Variants in MYRFL observed in about 807,000 individuals in gnomAD.
MYRFL encodes the protein myelin regulatory factor-like protein.
Under a neutral mutation model 109.4 loss-of-function variants are expected in MYRFL, and 88 were observed. That is an observed-to-expected ratio of 0.80 (90% CI 0.68 to 0.96). The LOEUF is 0.96. Among genes scored for constraint, MYRFL ranks in the 40% least tolerant of loss-of-function variants. The pLI is 0.00. For missense variants in MYRFL, 957 were observed against 954.9 expected (o/e 1.00, Z -0.03); for synonymous variants, 324 against 320.9 (o/e 1.01, Z -0.10).
chr12:69,894,916 C>T (rs1240270), intron 8 of MYRFL, among the ~76,000 whole-genome samples: 57,600 of 152,064 alleles, frequency 0.38, 12,041 homozygotes, highest in East Asian at 0.71. Flanking sequence ...GTGTTTGTGG[C>T]CTTCCTTTGG....
intron 2 of MYRFL, among the ~76,000 whole-genome samples, chr12:69,878,444 A>AT (rs779506680): frequency 1.1e-4 from 16 of 151,862 alleles, no homozygotes; most frequent in East Asian, 1.9e-4. Flanking sequence ...ATGTACAACC[A>AT]TTTTTTTCTG....
At chr12:69,853,586 C>T (rs1884051708) in intron 1 of MYRFL, among the ~76,000 whole-genome samples, 1 of 150,808 alleles carries the variant, frequency 6.6e-6, no homozygotes, top group Non-Finnish European at 1.5e-5. Flanking sequence ...TCCTCACTTC[C>T]CAGACGGGAT....
At chr12:69,842,121 G>C (rs1242815865) in intron 1 of MYRFL, among the ~76,000 whole-genome samples, 2 of 152,158 alleles carry the variant, frequency 1.3e-5, no homozygotes, top group African/African-American at 2.4e-5. Flanking sequence ...CTAACCCTTA[G>C]CACTGTGCCT....
chr12:69,857,304 T>G (rs574956494), intron 2 of MYRFL, among the ~76,000 whole-genome samples: 4 of 152,042 alleles, frequency 2.6e-5, no homozygotes, highest in Middle Eastern at 3.4e-3. Context: ...CACTTTATTA[T>G]AAGCCTTAAA....
At position 69,926,931 on chromosome 12, in the gene MYRFL, TGG is replaced by T. The variant is rs1566030979; in HGVS notation, c.1766+198_1766+199del. On this transcript the variant is annotated intron_variant, in intron 14 of 24. Transcript: ENST00000552032. Reference sequence around the variant, plus strand: ...AACTTTCTTAGTTTTTTTCTGTTGCTGGTTTTTTTTTTTTTTTTTTTTTTTTT... The same window carrying T: ...AACTTTCTTAGTTTTTTTCTGTTGCTTTTTTTTTTTTTTTTTTTTTTTTTT... Among the ~76,000 whole-genome samples, 6 of 31,996 alleles carry T rather than the reference TGG, an allele frequency of 1.9e-4. 1 individual carries two copies. Among genetic ancestry groups the T allele is most frequent in the Admixed American group, 5.1e-4 (1 of 1,964 alleles). The allele number at this position is 31,996 out of a possible 152,430, so 21.0% of individuals were successfully genotyped here.
intron 1 of MYRFL, among the ~76,000 whole-genome samples, chr12:69,831,204 A>T (rs1418995946): frequency 1.3e-5 from 2 of 152,286 alleles, no homozygotes; most frequent in African/African-American, 4.8e-5. Flanking sequence ...TCAGTAAATT[A>T]TGGACCACAG....
intron 2 of MYRFL, among the ~76,000 whole-genome samples, chr12:69,867,855 T>C (rs1047077354): frequency 1.3e-5 from 2 of 152,182 alleles, no homozygotes; most frequent in African/African-American, 4.8e-5. Flanking sequence ...CAAACTGATA[T>C]AATAAGAGAA....
At chr12:69,913,123 AT>A (rs1566020695) in intron 13 of MYRFL, among the ~76,000 whole-genome samples, 1 of 152,122 alleles carries the variant, frequency 6.6e-6, no homozygotes, top group African/African-American at 2.4e-5. Context: ...AAAAATGTCA[AT>A]TCAAGTCCTT....
At chr12:69,938,950 G>A (rs796620949) in intron 19 of MYRFL, among the ~76,000 whole-genome samples, 2 of 152,156 alleles carry the variant, frequency 1.3e-5, no homozygotes, top group African/African-American at 4.8e-5. Context: ...CTGGAAAATC[G>A]GGTCACTCCC....
chr12:69,948,328 T>C (rs900133728), intron 19 of MYRFL, among the ~76,000 whole-genome samples: 1 of 152,214 alleles, frequency 6.6e-6, no homozygotes, highest in African/African-American at 2.4e-5. Context: ...CCCACCTATT[T>C]ATTGCTGTTT....
At chr12:69,887,638 A>G (rs1886540199) in intron 6 of MYRFL, among the ~76,000 whole-genome samples, 1 of 152,196 alleles carries the variant, frequency 6.6e-6, no homozygotes, top group African/African-American at 2.4e-5. Context: ...TAGAATTTTC[A>G]TTGGGCTATA....
At chr12:69,836,185 C>T (rs996025297) in intron 1 of MYRFL, among the ~76,000 whole-genome samples, 2 of 152,300 alleles carry the variant, frequency 1.3e-5, no homozygotes, top group Admixed American at 6.5e-5. Context: ...AGGGGCTAGC[C>T]GGCATGCCGG....
chr12:69,926,628 A>G lies in MYRFL; in HGVS notation c.1660A>G (p.Asn554Asp), dbSNP rs1391126302. 2 of 1,529,678 alleles carry G rather than the reference A, an allele frequency of 1.3e-6. No individual in the cohort carries two copies. The highest frequency in any genetic ancestry group is 1.4e-5 in the African/African-American group (1 of 72,856). The allele number at this position is 1,529,678 out of a possible 1,614,324, so 94.8% of individuals were successfully genotyped here. Residue 554 changes from asparagine to aspartate, a missense_variant, in exon 14 of 25, where the codon AAC becomes GAC. By Grantham distance (23) the Asn-to-Asp change is conservative. Transcript: ENST00000552032. ...AVKQLCKLTNNLEERIEELEI... is the reference protein window; with the variant it reads ...AVKQLCKLTNDLEERIEELEI... ...GAAGCAACTGTGCAAACTAACTAAC[A>G]ACCTTGAGGAAAGAATAGAAGAGTT...
chr12:69,861,407 C>T (rs1485877411), intron 2 of MYRFL, among the ~76,000 whole-genome samples: 1 of 152,208 alleles, frequency 6.6e-6, no homozygotes, highest in Non-Finnish European at 1.5e-5. Flanking sequence ...TCTCCAGCAT[C>T]TGTTGTTTCC....
At chr12:69,878,535 ATAATT>A (rs1202033585) in intron 2 of MYRFL, among the ~76,000 whole-genome samples, 1 of 152,190 alleles carries the variant, frequency 6.6e-6, no homozygotes. Flanking sequence ...GGTAAATGTG[ATAATT>A]TAATACATCC....
rs754843682 is a variant in MYRFL at position 69,870,099 on chromosome 12, C to CTTTTTTTTT, written c.138-8910_138-8902dup. Among the ~76,000 whole-genome samples the CTTTTTTTTT allele has an allele frequency of 4.9e-5, 4 of 81,328 alleles. 1 individual carries two copies. The highest frequency in any genetic ancestry group is 3.7e-4 in the East Asian group (1 of 2,706). 53.4% of individuals were successfully genotyped at this position (81,328 alleles called of 152,430 possible). On this transcript the variant is annotated intron_variant, in intron 2 of 24. Transcript: ENST00000552032. Reference sequence around the variant, plus strand: ...GCTAAGAATCTCTTGATTTTTCTTCCTTTTTTTTTTTTTTTTTTTTTTTTT... The same window carrying CTTTTTTTTT: ...GCTAAGAATCTCTTGATTTTTCTTCCTTTTTTTTTTTTTTTTTTTTTTTTTTTTTTTTTT...
At chr12:69,952,274 G>C in intron 20 of MYRFL, 99 bp downstream of exon 20, 1 of 1,047,248 alleles carries the variant, frequency 9.5e-7, no homozygotes, top group South Asian at 1.4e-5. Flanking sequence ...AGGGACAAAG[G>C]CTGCAGCCTG....
chr12:69,861,616 T>G (rs1237980351), intron 2 of MYRFL, among the ~76,000 whole-genome samples: 5 of 152,190 alleles, frequency 3.3e-5, no homozygotes, highest in Admixed American at 6.5e-5. Context: ...TCTTGTAAAT[T>G]TGTTTGAGTT....
chr12:69,915,790 A>C (rs753038330), intron 13 of MYRFL, among the ~76,000 whole-genome samples: 2 of 152,044 alleles, frequency 1.3e-5, no homozygotes, highest in Non-Finnish European at 2.9e-5. Flanking sequence ...GACCGGTGGC[A>C]GCTTGGCCTT....
Sources: gnomAD v4.1 joint callset for allele counts (sites outside exome capture counted in the v4.1 genomes callset) on GRCh38, gnomAD v4.1.1 for gene constraint, MANE v1.5 for transcripts, NCBI Gene and HGNC (gene_info 2026-07-23, HGNC 2026-07-21) for gene names.